The following ANK2 variants were observed in gnomAD, a reference collection of about 807,000 sequenced individuals.
ANK2 encodes the protein ankyrin 2, also known as ankyrin-2.
Under a neutral mutation model 360.5 loss-of-function variants are expected in ANK2, and 83 were observed. The observed-to-expected ratio is 0.23, with a 90% CI of 0.19 to 0.28. ANK2 has a LOEUF of 0.28. Among genes scored for constraint, ANK2 ranks in the 10% least tolerant of loss-of-function variants. The pLI is 1.00. For missense variants in ANK2, 4,201 were observed against 4,795.7 expected, an observed-to-expected ratio of 0.88 and a Z score of 3.66; for synonymous variants, 1,740 against 1,759.5, an observed-to-expected ratio of 0.99 and a Z score of 0.28.
chr4:113,287,679 A>T lies in ANK2; in HGVS notation c.2154A>T (p.Gly718=). 2 of 1,612,648 alleles carry T rather than the reference A, an allele frequency of 1.2e-6. No individual in the cohort carries two copies. The highest frequency in any genetic ancestry group is 1.7e-6 in the Non-Finnish European group (2 of 1,178,770). Residue 718 remains glycine, a synonymous_variant, in exon 19 of 46, where the codon GGA becomes GGT. Coordinates refer to ENST00000357077, the MANE Select transcript of ANK2 (RefSeq NM_001148.6). ...TTGCTGATATTCTCACCAAGCATGG[A>T]GCTGATCAGGATGCTCATACAAAGG... ...VNVADILTKH[G]ADQDAHTKLG... is the part of the protein sequence containing the mutation.
the ANK2 span, among the ~76,000 whole-genome samples, chr4:112,705,698 A>C: frequency 6.6e-6 from 1 of 152,230 alleles, no homozygotes; most frequent in Non-Finnish European, 1.5e-5. Flanking sequence ...TCAGTGGTGC[A>C]TATAGACATA....
intron 30 of ANK2, 69 bp downstream of exon 30, chr4:113,336,126 A>T: frequency 6.6e-7 from 1 of 1,505,904 alleles, no homozygotes; most frequent in Non-Finnish European, 9.2e-7. Context: ...TAGCTTTGTC[A>T]AGGACTGTTA....
At chr4:112,866,858 T>G (rs1488071455) in intron 1 of ANK2, among the ~76,000 whole-genome samples, 1 of 152,178 alleles carries the variant, frequency 6.6e-6, no homozygotes, top group Non-Finnish European at 1.5e-5. Context: ...TGTGGTGATG[T>G]ATTAGTCTTA....
intron 2 of ANK2, among the ~76,000 whole-genome samples, chr4:112,960,360 T>TA (rs889689835): frequency 6.6e-6 from 1 of 151,892 alleles, no homozygotes; most frequent in African/African-American, 2.4e-5. Flanking sequence ...TTTTTTTTTT[T>TA]AAATCTTGTG....
At chr4:113,263,338 T>C (rs1271431388) in intron 13 of ANK2, among the ~76,000 whole-genome samples, 1 of 150,438 alleles carries the variant, frequency 6.6e-6, no homozygotes, top group Non-Finnish European at 1.5e-5. Flanking sequence ...AATATTAGCA[T>C]TCCAATGATA....
At position 113,357,627 on chromosome 4, in the gene ANK2, G is replaced by A. The variant is rs930979563; in HGVS notation, c.9009G>A (p.Leu3003=). 1.2e-6 allele frequency: 2 copies of A among 1,614,044 alleles called. No individual in the cohort carries two copies. Among genetic ancestry groups the A allele is most frequent in the Non-Finnish European group, 1.7e-6 (2 of 1,179,992 alleles). The part of the protein sequence containing the change: ...IKMESQQEST[L]WEMQSDSVSS... ...TGGAATCCCAACAGGAAAGTACCTTGTGGGAAATGCAATCAGACAGTGTCT... is the reference window on the plus strand; with the variant it reads ...TGGAATCCCAACAGGAAAGTACCTTATGGGAAATGCAATCAGACAGTGTCT... The change falls in exon 38 of 46, where the codon TTG becomes TTA. Residue 3003 remains leucine, a synonymous_variant. Transcript: ENST00000357077.
chr4:112,867,367 A>G (rs2071016246), intron 1 of ANK2, among the ~76,000 whole-genome samples: 1 of 152,024 alleles, frequency 6.6e-6, no homozygotes, highest in African/African-American at 2.4e-5. Flanking sequence ...CTATTCTTTT[A>G]GTATTATGAT....
chr4:113,282,634 T>G (rs1161308324), intron 17 of ANK2, 41 bp from the exon 18 acceptor site: 1 of 1,495,024 alleles, frequency 6.7e-7, no homozygotes, highest in Non-Finnish European at 9.2e-7. Flanking sequence ...CAATTGTTAA[T>G]CTTACTCTAT....
At chr4:112,972,984 A>T (rs561149912) in intron 2 of ANK2, among the ~76,000 whole-genome samples, 2 of 152,272 alleles carry the variant, frequency 1.3e-5, no homozygotes, top group East Asian at 3.9e-4. Flanking sequence ...ATGCAAAGGC[A>T]TAAGAGTGAC....
intron 24 of ANK2, chr4:113,313,783 C>CGGGGG (rs1227864115): frequency 2.5e-3 from 18 of 7,218 alleles, no homozygotes; most frequent in Admixed American, 5.4e-3. Flanking sequence ...TGTGTGTTGC[C>CGGGGG]GGGGCGGGGG....
chr4:112,766,503 C>T, the ANK2 span, among the ~76,000 whole-genome samples: 9 of 152,040 alleles, frequency 5.9e-5, no homozygotes, highest in African/African-American at 1.7e-4. Flanking sequence ...GGGGTATCTG[C>T]CTTCAGAAAT....
At chr4:113,097,876 G>GTATGTATATATACATATATATA (rs1562040937) in intron 1 of ANK2, among the ~76,000 whole-genome samples, 1 of 105,928 alleles carries the variant, frequency 9.4e-6, no homozygotes, top group African/African-American at 3.0e-5. Flanking sequence ...GTATATATAT[G>GTATGTATATATACATATATATA]CACACACACA....
chr4:113,131,977 T>G (rs2096067361), intron 1 of ANK2, among the ~76,000 whole-genome samples: 1 of 152,178 alleles, frequency 6.6e-6, no homozygotes. Flanking sequence ...TTGAGCTGAA[T>G]TATCATTTAA....
intron 1 of ANK2, among the ~76,000 whole-genome samples, chr4:112,878,676 T>C (rs925629537): frequency 6.6e-6 from 1 of 151,228 alleles, no homozygotes; most frequent in Non-Finnish European, 1.5e-5. Context: ...CTCTGTCGCC[T>C]AGGCTGGAGT....
chr4:113,019,967 T>C (rs2057631804), intron 2 of ANK2, among the ~76,000 whole-genome samples: 1 of 152,184 alleles, frequency 6.6e-6, no homozygotes, highest in East Asian at 1.9e-4. Flanking sequence ...TTGTTTATTA[T>C]GTGAAAGATA....
intron 14 of ANK2, among the ~76,000 whole-genome samples, chr4:113,271,110 C>G (rs1468951024): frequency 1.3e-5 from 2 of 152,230 alleles, no homozygotes; most frequent in Non-Finnish European, 2.9e-5. Context: ...GATTCCGCAT[C>G]TTTCTCCTAA....
rs764660993 is a variant in ANK2, at chr4:113,358,675, C to G, written c.10057C>G (p.Pro3353Ala). 1 of 1,614,034 alleles carries G rather than the reference C, an allele frequency of 6.2e-7. No homozygotes were observed. Among genetic ancestry groups the G allele is most frequent in the East Asian group, 2.2e-5 (1 of 44,868 alleles). The change falls in exon 38 of 46, where the codon CCC (proline) becomes GCC (alanine). Residue 3353 changes from proline to alanine, a missense_variant. By Grantham distance (27) the Pro-to-Ala change is conservative (BLOSUM62 -1). Coordinates refer to ENST00000357077, the MANE Select transcript of ANK2 (RefSeq NM_001148.6). ...KPKSKLPVKV[P>A]LQRVEQQLSD... The stretch of plus-strand genomic sequence containing the variant: ...AAAGTCCAAACTCCCTGTCAAAGTA[C>G]CCCTCCAAAGAGTTGAACAGCAGCT...
intron 2 of ANK2, among the ~76,000 whole-genome samples, chr4:112,962,220 A>T (rs937457413): frequency 5.3e-5 from 8 of 152,028 alleles, no homozygotes; most frequent in Non-Finnish European, 8.8e-5. Context: ...AGTAGTCTGC[A>T]GTGTCTATTG....
chr4:113,030,027 T>G (rs1225523826), intron 2 of ANK2, among the ~76,000 whole-genome samples: 2 of 152,098 alleles, frequency 1.3e-5, no homozygotes, highest in Non-Finnish European at 2.9e-5. Context: ...AATAATTATA[T>G]TTATTATCTA....
Sources: allele counts gnomAD v4.1 joint callset (sites outside exome capture counted in the v4.1 genomes callset), GRCh38; gene constraint gnomAD v4.1.1; transcripts MANE v1.5; gene names NCBI Gene and HGNC (gene_info 2026-07-23, HGNC 2026-07-21).